Variants in ZNF385D observed in about 807,000 individuals in gnomAD.
ZNF385D encodes zinc finger protein 385D, also known as zinc finger protein 659.
In ZNF385D, 15 loss-of-function variants were observed where a neutral mutation model predicts 35.8. The ratio of observed to expected loss-of-function variants is 0.42; its 90% CI spans 0.28 to 0.64. ZNF385D has a LOEUF of 0.64. Ranked by LOEUF, ZNF385D falls within the 30% of genes least tolerant of loss-of-function variation. The probability of loss-of-function intolerance (pLI) is 0.23; values close to 1 mark genes in which losing one functional copy is unlikely to be tolerated. For missense variants in ZNF385D, 474 were observed against 494.6 expected (o/e 0.96, Z 0.39); for synonymous variants, 212 against 186.8 (o/e 1.13, Z -1.10).
intron 3 of ZNF385D, among the ~76,000 whole-genome samples, chr3:21,559,348 A>G (rs184743486): frequency 7.2e-5 from 11 of 152,280 alleles, no homozygotes; most frequent in African/African-American, 2.4e-4. Flanking sequence ...GAGCTCTTGT[A>G]AGGCAGGCCG....
chr3:22,059,994 G>T (rs1314470476), intron 3 of ZNF385D, among the ~76,000 whole-genome samples: 1 of 152,134 alleles, frequency 6.6e-6, no homozygotes, highest in African/African-American at 2.4e-5. Flanking sequence ...TTTCTCCACT[G>T]GAGCTGAGAC....
chr3:21,496,660 C>A (rs1441254918), intron 4 of ZNF385D, among the ~76,000 whole-genome samples: 1 of 150,646 alleles, frequency 6.6e-6, no homozygotes, highest in Non-Finnish European at 1.5e-5. Context: ...CAACAAAATA[C>A]TAGCAAACCT....
intron 3 of ZNF385D, among the ~76,000 whole-genome samples, chr3:21,839,166 T>A (rs1478649189): frequency 6.6e-6 from 1 of 152,126 alleles, no homozygotes; most frequent in East Asian, 1.9e-4. Context: ...GCCTTAATCA[T>A]TAAGCCCTAT....
At chr3:21,428,498 C>T (rs1701126053) in intron 5 of ZNF385D, among the ~76,000 whole-genome samples, 1 of 152,084 alleles carries the variant, frequency 6.6e-6, no homozygotes, top group South Asian at 2.1e-4. Context: ...CTTTAATTTT[C>T]TATTTTGTTA....
At chr3:21,839,570 A>G (rs532640660) in intron 3 of ZNF385D, among the ~76,000 whole-genome samples, 1 of 152,276 alleles carries the variant, frequency 6.6e-6, no homozygotes, top group Non-Finnish European at 1.5e-5. Flanking sequence ...AGCTTTTTCT[A>G]TGATAACTAA....
intron 4 of ZNF385D, among the ~76,000 whole-genome samples, chr3:21,456,701 G>T (rs976854542): frequency 6.6e-6 from 1 of 151,942 alleles, no homozygotes; most frequent in Non-Finnish European, 1.5e-5. Flanking sequence ...AAACCTGCAT[G>T]TTGTGCACAT....
At chr3:22,093,992 T>C (rs906865061) in intron 3 of ZNF385D, among the ~76,000 whole-genome samples, 1 of 152,130 alleles carries the variant, frequency 6.6e-6, no homozygotes, top group Non-Finnish European at 1.5e-5. Flanking sequence ...ACTAGCACCT[T>C]GATTTCTAAA....
In ZNF385D at chr3:21,414,117, G is replaced by A. The variant is rs1700529641; in HGVS notation, c.*7097C>T. The A allele has an allele frequency of 6.6e-6, 1 of 151,922 alleles. No homozygotes were observed. Among genetic ancestry groups the A allele is most frequent in the Admixed American group, 6.6e-5 (1 of 15,246 alleles). 9.4% of individuals were successfully genotyped at this position (151,922 alleles called of 1,614,324 possible). A position where few individuals can be genotyped will look rare whatever the true frequency, so the allele number is the denominator to read the frequency against. On this transcript the variant is annotated 3_prime_UTR_variant, in exon 8 of 8. Coordinates refer to ENST00000281523, the MANE Select transcript of ZNF385D (RefSeq NM_024697.3). The stretch of plus-strand genomic sequence containing the variant: ...ATTATTAGAAGAAATTATTGACTAA[G>A]TTTCATGTGCTAGGATATAACTTAT...
chr3:22,298,548 T>C (rs979645516), intron 2 of ZNF385D, among the ~76,000 whole-genome samples: 1 of 128,494 alleles, frequency 7.8e-6, no homozygotes, highest in African/African-American at 2.7e-5. Flanking sequence ...AACATTTATG[T>C]ATATACACAC....
chr3:21,988,155 T>G lies in ZNF385D; in HGVS notation c.325+180662A>C, dbSNP rs1325723688. On this transcript the variant is annotated intron_variant, in intron 3 of 5. Transcript: ENST00000494108. ...CAGAGTCATTTGATCATCTGAAGCCTTCTTCTCTCAACTCGTCAAAATCAT... is the reference window on the plus strand; with the variant it reads ...CAGAGTCATTTGATCATCTGAAGCCGTCTTCTCTCAACTCGTCAAAATCAT... Among the ~76,000 whole-genome samples, 6 of 131,778 alleles carry G rather than the reference T, an allele frequency of 4.6e-5. 1 individual carries two copies. The East Asian group carries it at 8.8e-4, about 19-fold the overall frequency. The allele number at this position is 131,778 out of a possible 152,430, so 86.5% of individuals were successfully genotyped here. A position where few individuals can be genotyped will look rare whatever the true frequency, so the allele number is the denominator to read the frequency against.
At chr3:22,237,838 T>TTTTACAATTTG (rs1297464360) in intron 2 of ZNF385D, among the ~76,000 whole-genome samples, 10 of 151,358 alleles carry the variant, frequency 6.6e-5, no homozygotes, top group East Asian at 3.9e-4. Flanking sequence ...GAGGTGGGGT[T>TTTTACAATTTG]TCACCACATT....
intron 3 of ZNF385D, among the ~76,000 whole-genome samples, chr3:22,140,144 A>T (rs528399402): frequency 6.6e-6 from 1 of 152,216 alleles, no homozygotes; most frequent in African/African-American, 2.4e-5. Flanking sequence ...AACTCTGTAC[A>T]TAAATGTTTA....
At chr3:21,994,248 C>A (rs1035547349) in intron 3 of ZNF385D, among the ~76,000 whole-genome samples, 5 of 152,166 alleles carry the variant, frequency 3.3e-5, no homozygotes, top group African/African-American at 1.2e-4. Flanking sequence ...TTTACTTAAA[C>A]AGCATTCATC....
intron 4 of ZNF385D, among the ~76,000 whole-genome samples, chr3:21,492,485 C>CT (rs1705503708): frequency 6.8e-6 from 1 of 147,810 alleles, no homozygotes; most frequent in Non-Finnish European, 1.5e-5. Context: ...CTTCGTATTA[C>CT]TAAAAAAAAA....
chr3:21,763,665 G>A (rs1216676018), intron 3 of ZNF385D, among the ~76,000 whole-genome samples: 1 of 152,044 alleles, frequency 6.6e-6, no homozygotes. Context: ...CATTGTTTTA[G>A]TTAAATAAAA....
intron 2 of ZNF385D, among the ~76,000 whole-genome samples, chr3:22,209,254 T>C (rs61477162): frequency 0.16 from 23,664 of 151,946 alleles, 1,974 homozygotes; most frequent in Middle Eastern, 0.25. Context: ...AAGCTTGTTA[T>C]AGACATGTCA....
At chr3:21,451,572 C>T (rs553910181) in intron 4 of ZNF385D, among the ~76,000 whole-genome samples, 6 of 152,218 alleles carry the variant, frequency 3.9e-5, no homozygotes, top group African/African-American at 1.4e-4. Context: ...AACATCATTA[C>T]TGTTGTATGA....
chr3:21,496,041 T>G (rs1041664881), intron 4 of ZNF385D, among the ~76,000 whole-genome samples: 2 of 151,742 alleles, frequency 1.3e-5, no homozygotes, highest in Non-Finnish European at 2.9e-5. Context: ...AGTTCCAAAA[T>G]TGAATCAGTG....
intron 2 of ZNF385D, among the ~76,000 whole-genome samples, chr3:22,251,997 T>A (rs918375958): frequency 1.3e-5 from 2 of 152,072 alleles, no homozygotes; most frequent in African/African-American, 4.8e-5. Flanking sequence ...TATTAAACAT[T>A]CAATAAATGT....
Sources: gnomAD v4.1 joint callset for allele counts (sites outside exome capture counted in the v4.1 genomes callset) on GRCh38, gnomAD v4.1.1 for gene constraint, MANE v1.5 for transcripts, NCBI Gene and HGNC (gene_info 2026-07-23, HGNC 2026-07-21) for gene names.